The following MAGI2 variants were observed in gnomAD, a reference collection of about 807,000 sequenced individuals.
MAGI2 encodes the protein membrane associated guanylate kinase, WW and PDZ domain containing 2, also known as membrane-associated guanylate kinase, WW and PDZ domain-containing protein 2.
A neutral mutation model predicts 133.3 loss-of-function variants in MAGI2; 35 were observed. The ratio of observed to expected loss-of-function variants is 0.26; its 90% CI spans 0.20 to 0.35. MAGI2 has a LOEUF of 0.35. Ranked by LOEUF, MAGI2 falls within the 10% of genes least tolerant of loss-of-function variation. The pLI, the probability that MAGI2 is intolerant of heterozygous loss-of-function variation, is 1.00. For synonymous variants in MAGI2, 729 were observed against 710.6 expected (o/e 1.03, Z -0.41); for missense variants, 1,636 against 1,863.4 (o/e 0.88, Z 2.25).
Position 78,053,060 on chromosome 7 carries a change from T to C in MAGI2, c.3706+25887A>G, listed in dbSNP as rs895923575. On this transcript the variant is annotated intron_variant, in intron 21 of 21. Coordinates refer to ENST00000354212, the MANE Select transcript of MAGI2 (RefSeq NM_012301.4). ...AAAAGCAGGTTTCAAAATAAAATGG[T>C]TACATTTTTAAAAAGAGAATTATTT... Among the ~76,000 whole-genome samples the C allele has an allele frequency of 7.2e-5, 11 of 152,294 alleles. No homozygotes were observed. The South Asian group carries it at 1.9e-3, about 26-fold the overall frequency.
At chr7:79,441,015 C>T (rs1030018833) in intron 1 of MAGI2, among the ~76,000 whole-genome samples, 2 of 152,342 alleles carry the variant, frequency 1.3e-5, no homozygotes, top group East Asian at 1.9e-4. Context: ...AGACATTTCT[C>T]AGAAACTCCC....
At chr7:78,319,277 C>T (rs1169484184) in intron 9 of MAGI2, among the ~76,000 whole-genome samples, 2 of 151,962 alleles carry the variant, frequency 1.3e-5, no homozygotes, top group Non-Finnish European at 2.9e-5. Flanking sequence ...AGAATATTTA[C>T]CAAACAAATG....
chr7:78,868,924 TTTG>T (rs1794807679), intron 2 of MAGI2, among the ~76,000 whole-genome samples: 1 of 152,088 alleles, frequency 6.6e-6, no homozygotes, highest in Non-Finnish European at 1.5e-5. Context: ...CGGCTAATTT[TTTG>T]TATTTTTAGT....
intron 2 of MAGI2, among the ~76,000 whole-genome samples, chr7:78,900,038 C>T (rs1427064785): frequency 2.0e-5 from 3 of 152,102 alleles, no homozygotes; most frequent in Non-Finnish European, 2.9e-5. Context: ...GTGAAAGGGA[C>T]CCAAATCCTT....
chr7:78,395,526 T>C (rs1796264362), intron 6 of MAGI2, among the ~76,000 whole-genome samples: 1 of 152,040 alleles, frequency 6.6e-6, no homozygotes, highest in African/African-American at 2.4e-5. Context: ...GCTGAGGGGG[T>C]AGTCTGCATT....
chr7:79,376,543 C>T (rs910415165), intron 1 of MAGI2, among the ~76,000 whole-genome samples: 2 of 151,668 alleles, frequency 1.3e-5, no homozygotes, highest in South Asian at 2.1e-4. Flanking sequence ...ATGAAGATGT[C>T]GATGGTTGGA....
chr7:78,484,223 T>C (rs1403780515), intron 6 of MAGI2: 2 of 151,988 alleles, frequency 1.3e-5, no homozygotes, highest in Non-Finnish European at 2.9e-5. Context: ...TTTTCTACTA[T>C]TTCAGAAAGG....
intron 3 of MAGI2, among the ~76,000 whole-genome samples, chr7:78,591,782 G>C (rs1263611358): frequency 2.0e-5 from 3 of 152,068 alleles, no homozygotes; most frequent in Non-Finnish European, 4.4e-5. Flanking sequence ...ATGTAAATAG[G>C]CTATAAGGAA....
intron 2 of MAGI2, among the ~76,000 whole-genome samples, chr7:78,836,985 T>C (rs1197986916): frequency 2.6e-5 from 4 of 152,252 alleles, no homozygotes; most frequent in African/African-American, 9.6e-5. Context: ...GAATTCTTGC[T>C]GTGGTGAATT....
intron 3 of MAGI2, among the ~76,000 whole-genome samples, chr7:78,548,599 G>T (rs1270324694): frequency 6.6e-6 from 1 of 152,166 alleles, no homozygotes; most frequent in Non-Finnish European, 1.5e-5. Flanking sequence ...GGAGGCTGAG[G>T]CAGGAGAATC....
rs542628994 is a variant in MAGI2 at position 79,379,645 on chromosome 7, A to G, written c.301+73375T>C. Among the ~76,000 whole-genome samples the G allele has an allele frequency of 2.4e-3, 365 of 151,958 alleles. 2 individuals carry two copies. Among genetic ancestry groups the G allele is most frequent in the African/African-American group, 8.2e-3 (341 of 41,468 alleles). On this transcript the variant is annotated intron_variant, in intron 1 of 21. Transcript: ENST00000354212. Reference sequence around the variant, plus strand: ...CCTGTTGTTTCCTGACTTTTTAATGATTGCCATTCTAACTGGAGTGAGATG... The same window carrying G: ...CCTGTTGTTTCCTGACTTTTTAATGGTTGCCATTCTAACTGGAGTGAGATG...
At chr7:79,294,961 A>G (rs1836814115) in intron 1 of MAGI2, among the ~76,000 whole-genome samples, 1 of 150,826 alleles carries the variant, frequency 6.6e-6, no homozygotes, top group African/African-American at 2.4e-5. Flanking sequence ...GATGGTCTCG[A>G]TCTCCTGACC....
rs549557460 is a variant in MAGI2, at chr7:78,271,917, T to A, written c.1409-15336A>T. ...CCAGCTCCTAGATGCACTGATTTTTTAAGGGTTTTTTGTGTCTCTATCTCC... is the reference window on the plus strand; with the variant it reads ...CCAGCTCCTAGATGCACTGATTTTTAAAGGGTTTTTTGTGTCTCTATCTCC... On this transcript the variant is annotated intron_variant, in intron 9 of 21. Transcript: ENST00000354212. Among the ~76,000 whole-genome samples the A allele has an allele frequency of 1.7e-3, 258 of 152,246 alleles. 1 individual carries two copies. The highest frequency in any genetic ancestry group is 0.016 in the South Asian group (76 of 4,826).
In MAGI2 at chr7:78,461,939, A is replaced by AG. The variant is rs1269821095; in HGVS notation, c.1045+27821_1045+27822insC. Among the ~76,000 whole-genome samples, 75 of 114,984 alleles carry AG rather than the reference A, an allele frequency of 6.5e-4. 2 individuals are homozygous for AG. The highest frequency in any genetic ancestry group is 9.1e-3 in the Middle Eastern group (2 of 220). 75.4% of individuals were successfully genotyped at this position (114,984 alleles called of 152,430 possible). A position where few individuals can be genotyped will look rare whatever the true frequency, so the allele number is the denominator to read the frequency against. ...CTCAAAAAAAAAAAAAAAAAAAAAA[A>AG]AAAAAAAAGAAAGAAAGAAACAGGA... On this transcript the variant is annotated intron_variant, in intron 6 of 21. Coordinates refer to ENST00000354212, the MANE Select transcript of MAGI2 (RefSeq NM_012301.4).
At chr7:78,428,420 T>A (rs1799488335) in intron 6 of MAGI2, among the ~76,000 whole-genome samples, 2 of 152,340 alleles carry the variant, frequency 1.3e-5, no homozygotes, top group Middle Eastern at 6.8e-3. Context: ...CAGTGATGAA[T>A]TGACCTTATT....
chr7:78,584,244 A>C (rs1409489436), intron 3 of MAGI2, among the ~76,000 whole-genome samples: 1 of 151,878 alleles, frequency 6.6e-6, no homozygotes, highest in Non-Finnish European at 1.5e-5. Flanking sequence ...ATACGGTGAA[A>C]CCCTGTCTCT....
chr7:78,661,339 GAT>G (rs1053133055), intron 2 of MAGI2, among the ~76,000 whole-genome samples: 18 of 152,120 alleles, frequency 1.2e-4, no homozygotes, highest in Non-Finnish European at 2.4e-4. Context: ...ATGATACACA[GAT>G]AGTTTCCAAG....
intron 9 of MAGI2, among the ~76,000 whole-genome samples, chr7:78,306,944 T>A (rs1009381536): frequency 5.3e-5 from 8 of 152,188 alleles, no homozygotes; most frequent in African/African-American, 1.4e-4. Context: ...GAGACGCATA[T>A]GTCCAATTCA....
intron 2 of MAGI2, among the ~76,000 whole-genome samples, chr7:78,887,270 T>C (rs1796343665): frequency 6.6e-6 from 1 of 152,252 alleles, no homozygotes; most frequent in African/African-American, 2.4e-5. Context: ...AAATGCCAGC[T>C]AGTCATTATC....
Sources: gnomAD v4.1 joint callset for allele counts (sites outside exome capture counted in the v4.1 genomes callset) on GRCh38, gnomAD v4.1.1 for gene constraint, MANE v1.5 for transcripts, NCBI Gene and HGNC (gene_info 2026-07-23, HGNC 2026-07-21) for gene names.